The following CDH4 variants were observed in gnomAD, a reference collection of about 807,000 sequenced individuals.
CDH4 encodes the protein cadherin-4.
In CDH4, 33 loss-of-function variants were observed where a neutral mutation model predicts 86.0. That is an observed-to-expected ratio of 0.38 (90% CI 0.29 to 0.51). The LOEUF (loss-of-function observed/expected upper bound fraction) is 0.51, where lower values mean the gene tolerates loss of function less well. Among genes scored for constraint, CDH4 ranks in the 20% least tolerant of loss-of-function variants. The pLI is 0.86. For missense variants in CDH4, 1,114 were observed against 1,307.4 expected, an observed-to-expected ratio of 0.85 and a Z score of 2.28; for synonymous variants, 555 against 549.4, an observed-to-expected ratio of 1.01 and a Z score of -0.14.
intron 2 of CDH4, among the ~76,000 whole-genome samples, chr20:61,347,890 T>C (rs2084688967): frequency 6.8e-6 from 1 of 146,140 alleles, no homozygotes; most frequent in Admixed American, 6.9e-5. Context: ...ATGAGTCCTG[T>C]GTCTGCAAAG....
chr20:61,324,563 GT>G (rs1355480599), intron 2 of CDH4, among the ~76,000 whole-genome samples: 1 of 152,138 alleles, frequency 6.6e-6, no homozygotes, highest in Non-Finnish European at 1.5e-5. Context: ...AGTCTCTTCT[GT>G]GTCCACATTT....
At chr20:61,757,190 T>G (rs2088575281) in intron 3 of CDH4, among the ~76,000 whole-genome samples, 1 of 151,854 alleles carries the variant, frequency 6.6e-6, no homozygotes, top group African/African-American at 2.4e-5. Context: ...CAGCAGAGCG[T>G]GTATTGGTAT....
At chr20:61,429,406 T>C (rs2085232210) in intron 2 of CDH4, among the ~76,000 whole-genome samples, 1 of 152,204 alleles carries the variant, frequency 6.6e-6, no homozygotes, top group Non-Finnish European at 1.5e-5. Flanking sequence ...TTCCAGTTTA[T>C]AGCAAATCGT....
intron 2 of CDH4, among the ~76,000 whole-genome samples, chr20:61,385,901 T>A (rs1422797596): frequency 6.6e-6 from 1 of 152,216 alleles, no homozygotes; most frequent in African/African-American, 2.4e-5. Flanking sequence ...CTATGTAGAT[T>A]GCAGCTGCGG....
intron 7 of CDH4, among the ~76,000 whole-genome samples, chr20:61,888,742 T>C (rs7274870): frequency 6.6e-6 from 1 of 152,282 alleles, no homozygotes; most frequent in East Asian, 1.9e-4. Context: ...TGGACATCAT[T>C]GGTGCTGCCT....
chr20:61,542,874 C>G (rs186304624), intron 2 of CDH4, among the ~76,000 whole-genome samples: 1 of 152,312 alleles, frequency 6.6e-6, no homozygotes, highest in Non-Finnish European at 1.5e-5. Context: ...CGCTAAGGAG[C>G]CTGGAAGCCA....
At chr20:61,729,924 G>A (rs879766073) in intron 2 of CDH4, among the ~76,000 whole-genome samples, 3 of 152,172 alleles carry the variant, frequency 2.0e-5, no homozygotes, top group Admixed American at 6.5e-5. Context: ...CTAACATTCC[G>A]GAGACAGAGT....
intron 5 of CDH4, among the ~76,000 whole-genome samples, chr20:61,845,342 C>T (rs547583896): frequency 1.2e-4 from 18 of 152,386 alleles, no homozygotes; most frequent in African/African-American, 3.4e-4. Flanking sequence ...AGGAGAGCCG[C>T]GCTGATTCCC....
At chr20:61,904,973 T>A (rs1217629618) in intron 8 of CDH4, among the ~76,000 whole-genome samples, 1 of 152,228 alleles carries the variant, frequency 6.6e-6, no homozygotes, top group East Asian at 1.9e-4. Context: ...AATGGTGACC[T>A]TCCCCTGAGA....
chr20:61,622,899 G>A (rs916124255), intron 2 of CDH4, among the ~76,000 whole-genome samples: 13 of 152,278 alleles, frequency 8.5e-5, no homozygotes, highest in African/African-American at 3.1e-4. Flanking sequence ...ATCAGGGGAG[G>A]TGGCTGCGGA....
At chr20:61,759,143 C>A (rs2088602548) in intron 3 of CDH4, among the ~76,000 whole-genome samples, 2 of 152,068 alleles carry the variant, frequency 1.3e-5, no homozygotes, top group African/African-American at 2.4e-5. Flanking sequence ...GCCCCCCAAG[C>A]AGAGTTGTGA....
rs531352469 is a variant in CDH4 at position 61,923,480 on chromosome 20, C to T, written c.1404C>T (p.Phe468=). The change falls in exon 10 of 16, where the codon TTC becomes TTT. Residue 468 remains phenylalanine, a synonymous_variant. Coordinates refer to ENST00000614565, the MANE Select transcript of CDH4 (RefSeq NM_001794.5). ...TCGACTACGAGCTCAACAGAGCTTTCATGCTGACAGTGATGGTGTCCAACC... is the reference window on the plus strand; with the variant it reads ...TCGACTACGAGCTCAACAGAGCTTTTATGCTGACAGTGATGGTGTCCAACC... ...KAVDYELNRA[F]MLTVMVSNQA... The T allele has an allele frequency of 4.3e-6, 7 of 1,614,210 alleles. No homozygotes were observed. The South Asian group carries it at 5.5e-5, about 13-fold the overall frequency.
intron 2 of CDH4, among the ~76,000 whole-genome samples, chr20:61,546,403 G>A (rs1008483619): frequency 1.2e-4 from 18 of 151,274 alleles, no homozygotes; most frequent in South Asian, 6.3e-4. Context: ...ATGCATGTGC[G>A]TGTGTGTGTG....
chr20:61,309,189 T>C (rs2084432603), intron 2 of CDH4, among the ~76,000 whole-genome samples: 1 of 152,242 alleles, frequency 6.6e-6, no homozygotes, highest in Admixed American at 6.5e-5. Flanking sequence ...TCTCTGGAGC[T>C]GGGTCCTGAG....
chr20:61,903,475 G>T (rs542052272), intron 8 of CDH4, among the ~76,000 whole-genome samples: 48 of 147,338 alleles, frequency 3.3e-4, no homozygotes, highest in African/African-American at 1.2e-3. Context: ...AACACAGGAA[G>T]TGGAGGTTGC....
intron 2 of CDH4, among the ~76,000 whole-genome samples, chr20:61,331,825 T>A (rs1303503131): frequency 6.6e-6 from 1 of 151,322 alleles, no homozygotes; most frequent in Non-Finnish European, 1.5e-5. Flanking sequence ...GCTGGCTTTC[T>A]GTCTCTTCCC....
chr20:61,601,389 T>A (rs544991410), intron 2 of CDH4, among the ~76,000 whole-genome samples: 3 of 152,154 alleles, frequency 2.0e-5, no homozygotes, highest in Non-Finnish European at 1.5e-5. Flanking sequence ...AGGACAAACA[T>A]CTAACCTGTG....
intron 4 of CDH4, among the ~76,000 whole-genome samples, chr20:61,785,586 T>G (rs1185730054): frequency 6.6e-6 from 1 of 152,040 alleles, no homozygotes; most frequent in Non-Finnish European, 1.5e-5. Flanking sequence ...CTCACCCAGG[T>G]GCGCAGAGCC....
At chr20:61,485,475 C>A (rs781397279) in intron 2 of CDH4, among the ~76,000 whole-genome samples, 1 of 152,180 alleles carries the variant, frequency 6.6e-6, no homozygotes, top group Non-Finnish European at 1.5e-5. Flanking sequence ...TGTTGGGTCC[C>A]GGAGATGCAC....
Sources: allele counts gnomAD v4.1 joint callset (sites outside exome capture counted in the v4.1 genomes callset), GRCh38; gene constraint gnomAD v4.1.1; transcripts MANE v1.5; gene names NCBI Gene and HGNC (gene_info 2026-07-23, HGNC 2026-07-21).